The following CYTH1 variants were observed in gnomAD, a reference collection of about 807,000 sequenced individuals.
CYTH1 encodes the protein cytohesin-1.
In CYTH1, 18 loss-of-function variants were observed where a neutral mutation model predicts 61.8. The observed-to-expected ratio is 0.29, with a 90% CI of 0.20 to 0.43. CYTH1 has a LOEUF of 0.43. CYTH1 is among the 20% of genes least tolerant of loss of function. The probability of loss-of-function intolerance (pLI) is 1.00; values close to 1 mark genes in which losing one functional copy is unlikely to be tolerated. For missense variants in CYTH1, 336 were observed against 510.5 expected (o/e 0.66, Z 3.29); for synonymous variants, 174 against 184.3 (o/e 0.94, Z 0.45).
chr17:78,700,939 A>C lies in CYTH1; in HGVS notation c.438-496T>G, dbSNP rs1379773081. On this transcript the variant is annotated intron_variant, in intron 6 of 13. Transcript: ENST00000446868. This position sits in a 1 kb window ranked among gnomAD's most constrained non-coding sequence, Gnocchi z 5.1. ...TGCCATCCACACCACTGTTACCTTA[A>C]TCAAAAGTAAAATTTTTCTTAGGAA... Among the ~76,000 whole-genome samples the C allele has an allele frequency of 1.3e-5, 2 of 152,232 alleles. No homozygotes were observed. The highest frequency in any genetic ancestry group is 4.8e-5 in the African/African-American group (2 of 41,462).
Position 78,698,253 on chromosome 17 carries a change from T to C in CYTH1, c.811+16A>G, listed in dbSNP as rs199531339. 7.5e-6 allele frequency: 12 copies of C among 1,603,824 alleles called. No homozygotes were observed. Among genetic ancestry groups the C allele is most frequent in the South Asian group, 3.3e-5 (3 of 90,768 alleles). Reference sequence around the variant, plus strand: ...AAGTCTCAGCTTTAGGAGCCCTGACTCAGAGGTGCGCTTACCGAGTTTCAA... The same window carrying C: ...AAGTCTCAGCTTTAGGAGCCCTGACCCAGAGGTGCGCTTACCGAGTTTCAA... On this transcript the variant is annotated intron_variant, in intron 9 of 13. Coordinates refer to ENST00000446868, the MANE Select transcript of CYTH1 (RefSeq NM_004762.6).
intron 1 of CYTH1, among the ~76,000 whole-genome samples, chr17:78,779,916 T>C (rs532809616): frequency 6.6e-6 from 1 of 152,348 alleles, no homozygotes; most frequent in South Asian, 2.1e-4. Flanking sequence ...TATAGGAAAC[T>C]AACACGCCCT....
At chr17:78,761,710 C>T (rs549048047) in intron 1 of CYTH1, among the ~76,000 whole-genome samples, 1 of 152,080 alleles carries the variant, frequency 6.6e-6, no homozygotes, top group East Asian at 1.9e-4. Flanking sequence ...TGCACTCCAG[C>T]CTGGGGGACA....
At chr17:78,743,033 G>C (rs1236877909) in intron 1 of CYTH1, among the ~76,000 whole-genome samples, 2 of 152,076 alleles carry the variant, frequency 1.3e-5, no homozygotes, top group Non-Finnish European at 2.9e-5. Context: ...TTTAGTGTGG[G>C]CATTTGTCCT....
chr17:78,699,321 G>T (rs903656433), intron 7 of CYTH1, among the ~76,000 whole-genome samples: 5 of 150,984 alleles, frequency 3.3e-5, no homozygotes, highest in African/African-American at 1.2e-4. Context: ...CCGAGATAGC[G>T]CCACTGCACT....
chr17:78,738,251 C>A (rs1048247293), intron 1 of CYTH1, among the ~76,000 whole-genome samples: 7 of 152,178 alleles, frequency 4.6e-5, no homozygotes, highest in African/African-American at 1.4e-4. Context: ...CTGAAAACAT[C>A]CCATGGGGTG....
At chr17:78,705,463 C>A (rs1284729443) in intron 3 of CYTH1, among the ~76,000 whole-genome samples, 1 of 152,160 alleles carries the variant, frequency 6.6e-6, no homozygotes, top group African/African-American at 2.4e-5. Flanking sequence ...TACTGGATCG[C>A]CTTAGTTAAC....
intron 1 of CYTH1, among the ~76,000 whole-genome samples, chr17:78,749,188 G>A (rs750698573): frequency 6.6e-6 from 1 of 152,146 alleles, no homozygotes; most frequent in African/African-American, 2.4e-5. Context: ...GATCACTTGA[G>A]CCCAAAAGTC....
chr17:78,740,269 G>A (rs1231674368), intron 1 of CYTH1, among the ~76,000 whole-genome samples: 3 of 152,112 alleles, frequency 2.0e-5, no homozygotes, highest in Non-Finnish European at 4.4e-5. Context: ...CTGCCAACCA[G>A]GTCCCCCATC....
intron 6 of CYTH1, among the ~76,000 whole-genome samples, chr17:78,701,063 C>T (rs543639509): frequency 6.6e-5 from 10 of 152,256 alleles, no homozygotes; most frequent in African/African-American, 2.4e-4. Flanking sequence ...TCATTTTAAA[C>T]AAACGCTATT....
intron 1 of CYTH1, among the ~76,000 whole-genome samples, chr17:78,780,024 G>T (rs888501244): frequency 6.6e-6 from 1 of 152,218 alleles, no homozygotes; most frequent in Non-Finnish European, 1.5e-5. Flanking sequence ...TCCTGCCCAC[G>T]GCAGCAGGCA....
In CYTH1 at chr17:78,766,407, T is replaced by C. The variant is rs1411428923; in HGVS notation, c.22+15795A>G. On this transcript the variant is annotated intron_variant, in intron 1 of 13. Transcript: ENST00000446868. Reference sequence around the variant, plus strand: ...TCTAGTGGCCCAACCACAAAACATGTTCTGGCTCCAGGGAATCATCAAAGG... The same window carrying C: ...TCTAGTGGCCCAACCACAAAACATGCTCTGGCTCCAGGGAATCATCAAAGG... Among the ~76,000 whole-genome samples the C allele has an allele frequency of 2.0e-5, 3 of 152,174 alleles. No homozygotes were observed. The East Asian group carries it at 5.8e-4, about 29-fold the overall frequency.
At chr17:78,719,773 G>A (rs2093212455) in intron 1 of CYTH1, among the ~76,000 whole-genome samples, 1 of 152,210 alleles carries the variant, frequency 6.6e-6, no homozygotes, top group Non-Finnish European at 1.5e-5. Flanking sequence ...ATGTAGCAAA[G>A]GGGTGTGACT....
intron 11 of CYTH1, among the ~76,000 whole-genome samples, chr17:78,684,039 TATG>T (rs1456609118): frequency 6.6e-6 from 1 of 152,180 alleles, no homozygotes; most frequent in East Asian, 1.9e-4. Context: ...CTTGATGGAA[TATG>T]ATTTTAAACC....
intron 1 of CYTH1, among the ~76,000 whole-genome samples, chr17:78,728,540 C>T (rs2093277987): frequency 6.6e-6 from 1 of 150,524 alleles, no homozygotes; most frequent in Non-Finnish European, 1.5e-5. Context: ...GAGAGCGAAA[C>T]TCCATCTCAA....
intron 1 of CYTH1, among the ~76,000 whole-genome samples, chr17:78,735,006 C>G (rs564247198): frequency 6.6e-6 from 1 of 152,090 alleles, no homozygotes; most frequent in African/African-American, 2.4e-5. Context: ...CTGTCTCTCA[C>G]GGCAATGTCT....
chr17:78,755,491 T>TAAAAAA (rs3073742), intron 1 of CYTH1, among the ~76,000 whole-genome samples: 59,157 of 129,778 alleles, frequency 0.46, 14,390 homozygotes, highest in East Asian at 0.54. Flanking sequence ...TGGGTTTATT[T>TAAAAAA]AAAAAAAAAA....
chr17:78,709,396 T>C (rs188900123), intron 2 of CYTH1: 8 of 472,052 alleles, frequency 1.7e-5, no homozygotes, highest in South Asian at 3.4e-5. Flanking sequence ...GACAGGAGTC[T>C]TGCAGGCTAT....
chr17:78,766,029 G>A (rs1206938156), intron 1 of CYTH1, among the ~76,000 whole-genome samples: 1 of 140,422 alleles, frequency 7.1e-6, no homozygotes, highest in Non-Finnish European at 1.5e-5. Flanking sequence ...TGGGAGGATC[G>A]TCTGAGCCCA....
Sources: gnomAD v4.1 joint callset for allele counts (sites outside exome capture counted in the v4.1 genomes callset) on GRCh38, gnomAD v4.1.1 for gene constraint, Gnocchi (gnomAD v3.1) non-coding constraint, MANE v1.5 for transcripts, NCBI Gene and HGNC (gene_info 2026-07-23, HGNC 2026-07-21) for gene names.